Variants in RPS6KA6 observed in about 807,000 individuals in gnomAD.
The protein encoded by RPS6KA6 is ribosomal protein S6 kinase alpha-6.
Under a neutral mutation model 65.4 loss-of-function variants are expected in RPS6KA6, and 27 were observed. The observed-to-expected ratio is 0.41, with a 90% confidence interval of 0.30 to 0.57. The LOEUF (loss-of-function observed/expected upper bound fraction) is 0.57. Among genes scored for constraint, RPS6KA6 ranks in the 20% least tolerant of loss-of-function variants. RPS6KA6 has a pLI of 0.24. For synonymous variants in RPS6KA6, 190 were observed against 184.2 expected, an observed-to-expected ratio of 1.03 and a Z score of -0.26; for missense variants, 486 against 555.6, an observed-to-expected ratio of 0.87 and a Z score of 1.26.
At chrX:84,186,930 T>TA (rs1296958617) in intron 1 of RPS6KA6, 1 of 111,476 alleles carries the variant, frequency 9.0e-6, no homozygotes, top group African/African-American at 3.3e-5. Context: ...ATAACAACAA[T>TA]AAAAACAAAG....
chrX:84,125,230 G>C (rs149727619), intron 8 of RPS6KA6, among the ~76,000 whole-genome samples: 2,159 of 111,711 alleles, frequency 0.019, 22 homozygotes, highest in Non-Finnish European at 0.031. Flanking sequence ...CACTATAATA[G>C]TAAGCATAAA....
intron 20 of RPS6KA6, among the ~76,000 whole-genome samples, chrX:84,067,736 T>A (rs998595541): frequency 9.0e-6 from 1 of 111,390 alleles, no homozygotes; most frequent in African/African-American, 3.3e-5. Context: ...TAGCAAGACA[T>A]GCCAACATTC....
At chrX:84,182,200 C>G (rs2035867043) in intron 1 of RPS6KA6, among the ~76,000 whole-genome samples, 1 of 110,072 alleles carries the variant, frequency 9.1e-6, no homozygotes, top group Non-Finnish European at 1.9e-5. Context: ...GAAAACGTCT[C>G]TTATCTGCAA....
chrX:84,119,225 CT>C (rs1353847033), intron 9 of RPS6KA6, among the ~76,000 whole-genome samples: 2 of 111,791 alleles, frequency 1.8e-5, no homozygotes, highest in African/African-American at 3.2e-5. Context: ...ATATGTCAGG[CT>C]TATAAGAGAC....
chrX:84,113,463 T>A (rs1382792958), intron 12 of RPS6KA6, among the ~76,000 whole-genome samples: 1 of 111,923 alleles, frequency 8.9e-6, no homozygotes, highest in Non-Finnish European at 1.9e-5. Context: ...AAATAGTTAA[T>A]CATGATCAAG....
intron 1 of RPS6KA6, among the ~76,000 whole-genome samples, chrX:84,169,276 A>C (rs1244656729): frequency 2.7e-5 from 3 of 111,696 alleles, no homozygotes; most frequent in African/African-American, 9.8e-5. Context: ...AAAAGACTTA[A>C]AGCACTTACA....
chrX:84,173,319 A>G (rs2035715355), intron 1 of RPS6KA6, among the ~76,000 whole-genome samples: 1 of 110,440 alleles, frequency 9.1e-6, no homozygotes. Context: ...CAAGATTCAA[A>G]CTCTAAAGCT....
chrX:84,124,727 C>T (rs375975058), intron 8 of RPS6KA6, among the ~76,000 whole-genome samples: 24 of 110,833 alleles, frequency 2.2e-4, no homozygotes, highest in African/African-American at 5.9e-4. Flanking sequence ...CAGAGAAAGA[C>T]GGATAAGAAG....
At chrX:84,134,739 T>A (rs748108663) in intron 8 of RPS6KA6, 43 bp downstream of exon 8, 25 of 881,303 alleles carry the variant, frequency 2.8e-5, no homozygotes, top group Non-Finnish European at 3.8e-5. Context: ...TAATAAAAAA[T>A]ATGAATCAAG....
intron 5 of RPS6KA6, among the ~76,000 whole-genome samples, chrX:84,146,553 T>A (rs776058176): frequency 3.0e-4 from 33 of 111,578 alleles, no homozygotes; most frequent in Non-Finnish European, 6.2e-4. Flanking sequence ...CCATTAAGTA[T>A]AAAAAAATAA....
Position 84,187,693 on chromosome X carries a change from C to T in RPS6KA6, c.81+126G>A, listed in dbSNP as rs2298175. The stretch of plus-strand genomic sequence containing the variant: ...CCCAGCGAAAGGGCAGTGGAGGCAG[C>T]ATCAAGGGGGCTTGCCCGGGAGCCC... On this transcript the variant is annotated intron_variant, in intron 1 of 21. Coordinates refer to ENST00000262752, the MANE Select transcript of RPS6KA6 (RefSeq NM_014496.5). 3.1e-4 allele frequency: 186 copies of T among 602,408 alleles called. 1 individual carries two copies. In the East Asian group the frequency reaches 7.7e-3, roughly 25 times the overall value. 49.6% of individuals were successfully genotyped at this position (602,408 alleles called of 1,213,427 possible).
chrX:84,180,150 T>A (rs1348718537), intron 1 of RPS6KA6, among the ~76,000 whole-genome samples: 1 of 111,714 alleles, frequency 9.0e-6, no homozygotes, highest in Non-Finnish European at 1.9e-5. Context: ...TTAAGTAGAG[T>A]AATAAATCCC....
At chrX:84,169,673 C>A (rs1402668390) in intron 1 of RPS6KA6, among the ~76,000 whole-genome samples, 1 of 111,127 alleles carries the variant, frequency 9.0e-6, no homozygotes, top group African/African-American at 3.3e-5. Context: ...TTTGTGTGCA[C>A]CTCTGAAGAA....
rs1001325309 is a variant in RPS6KA6 at position 84,094,638 on chromosome X, C to T, written c.1971+1556G>A. 8.2e-5 allele frequency among the ~76,000 whole-genome samples: 9 copies of T among 109,280 alleles called. No individual in the cohort carries two copies. In the Admixed American group the frequency reaches 8.9e-4, roughly 11 times the overall value. 94.9% of individuals were successfully genotyped at this position (109,280 alleles called of 115,157 possible). On this transcript the variant is annotated intron_variant, in intron 20 of 21. Coordinates refer to ENST00000262752, the MANE Select transcript of RPS6KA6 (RefSeq NM_014496.5). Reference sequence around the variant, plus strand: ...CCAGCCTGGGCAACAGAGCAAGACTCCGTCTCAAAAAAAATAAAAATAAAT... The same window carrying T: ...CCAGCCTGGGCAACAGAGCAAGACTTCGTCTCAAAAAAAATAAAAATAAAT...
In RPS6KA6 at chrX:84,104,609, CTTT is replaced by C; in HGVS notation, c.1501_1503del (p.Lys501del). ...AGAATACGGTCAAGTAACTCTCCTC[CTTT>C]CATTAAATCCGTAACAAGGTAAACA... On this transcript the variant is annotated inframe_deletion, in exon 17 of 22. Coordinates refer to ENST00000262752, the MANE Select transcript of RPS6KA6 (RefSeq NM_014496.5). The C allele has an allele frequency of 8.5e-7, 1 of 1,180,366 alleles. No homozygotes were observed. Among genetic ancestry groups the C allele is most frequent in the South Asian group, 2.0e-5 (1 of 51,237 alleles).
chrX:84,137,907 T>G (rs964370358), intron 6 of RPS6KA6, among the ~76,000 whole-genome samples: 1 of 111,982 alleles, frequency 8.9e-6, no homozygotes, highest in African/African-American at 3.2e-5. Context: ...TAATCCTTAA[T>G]TTTTGCTAGT....
intron 1 of RPS6KA6, among the ~76,000 whole-genome samples, chrX:84,182,299 CA>C (rs1052403932): frequency 7.3e-5 from 8 of 108,953 alleles, no homozygotes; most frequent in Admixed American, 2.9e-4. Context: ...AAATACACAA[CA>C]AAAAAAAATA....
intron 1 of RPS6KA6, among the ~76,000 whole-genome samples, chrX:84,181,526 C>T: frequency 8.9e-6 from 1 of 112,012 alleles, no homozygotes; most frequent in East Asian, 2.8e-4. Flanking sequence ...GAGCTAATTG[C>T]TAGCTTACAA....
chrX:84,093,686 T>C (rs2034093279), intron 20 of RPS6KA6, among the ~76,000 whole-genome samples: 1 of 112,497 alleles, frequency 8.9e-6, no homozygotes, highest in African/African-American at 3.2e-5. Context: ...ATTGGCAATG[T>C]TAAGTCCCCA....
Sources: allele counts gnomAD v4.1 joint callset (sites outside exome capture counted in the v4.1 genomes callset), GRCh38; gene constraint gnomAD v4.1.1; transcripts MANE v1.5; gene names NCBI Gene and HGNC (gene_info 2026-07-23, HGNC 2026-07-21).